Variants in CSMD1 observed in about 807,000 individuals in gnomAD.
The protein encoded by CSMD1 is CUB and sushi domain-containing protein 1.
Under a neutral mutation model 417.5 loss-of-function variants are expected in CSMD1, and 213 were observed. The ratio of observed to expected loss-of-function variants is 0.51; its 90% CI spans 0.46 to 0.57. The LOEUF is 0.57. Among genes scored for constraint, CSMD1 ranks in the 20% least tolerant of loss-of-function variants. The pLI, the probability that CSMD1 is intolerant of heterozygous loss-of-function variation, is 0.00. For missense variants in CSMD1, 6,923 were observed against 4,529.7 expected, an observed-to-expected ratio of 1.53 and a Z score of -15.17; for synonymous variants, 2,862 against 1,736.8, an observed-to-expected ratio of 1.65 and a Z score of -16.11.
intron 12 of CSMD1, among the ~76,000 whole-genome samples, chr8:3,430,158 C>T (rs527869714): frequency 6.6e-6 from 1 of 152,008 alleles, no homozygotes; most frequent in Non-Finnish European, 1.5e-5. Flanking sequence ...AATATACACA[C>T]AACTATACTG....
intron 3 of CSMD1, among the ~76,000 whole-genome samples, chr8:4,195,520 C>A (rs959548107): frequency 2.0e-5 from 3 of 152,164 alleles, no homozygotes; most frequent in Non-Finnish European, 4.4e-5. Context: ...TGATCCCCTG[C>A]TCTTGACTGT....
rs192094211 is a variant in CSMD1 at position 4,080,533 on chromosome 8, T to C, written c.416-48434A>G. On this transcript the variant is annotated intron_variant, in intron 3 of 69. Transcript: ENST00000635120. ...GAAGATACTGATCAAGACTGTCTTG[T>C]CCAACACATAGGTTTCTCCAGAAGA... 8.6e-4 allele frequency among the ~76,000 whole-genome samples: 131 copies of C among 152,314 alleles called. 1 individual carries two copies. The highest frequency in any genetic ancestry group is 3.4e-3 in the Middle Eastern group (1 of 294).
chr8:3,010,270 G>A (rs984523978), intron 52 of CSMD1, among the ~76,000 whole-genome samples: 2 of 152,166 alleles, frequency 1.3e-5, no homozygotes, highest in East Asian at 3.9e-4. Context: ...CTTCTACTGT[G>A]TTTTGTTTTA....
chr8:4,905,388 T>C (rs1359574133), intron 1 of CSMD1, among the ~76,000 whole-genome samples: 1 of 152,080 alleles, frequency 6.6e-6, no homozygotes, highest in Non-Finnish European at 1.5e-5. Context: ...TATATATATT[T>C]ACACAGTGTA....
chr8:4,373,175 C>T (rs369338969), intron 3 of CSMD1, among the ~76,000 whole-genome samples: 1 of 152,166 alleles, frequency 6.6e-6, no homozygotes, highest in African/African-American at 2.4e-5. Flanking sequence ...ACCCCTTGAC[C>T]GGTGCTGCTC....
At chr8:3,189,044 G>T in intron 34 of CSMD1, 33 bp from the exon 35 acceptor site, 2 of 1,597,536 alleles carry the variant, frequency 1.3e-6, no homozygotes, top group Non-Finnish European at 1.7e-6. Context: ...ATGAAATAAA[G>T]TGCTGTGGGA....
intron 14 of CSMD1, among the ~76,000 whole-genome samples, chr8:3,407,262 T>C (rs533408314): frequency 2.0e-5 from 3 of 150,800 alleles, no homozygotes; most frequent in African/African-American, 7.3e-5. Flanking sequence ...AATGGAAGGA[T>C]ATGGATTGAT....
intron 18 of CSMD1, among the ~76,000 whole-genome samples, chr8:3,385,117 T>C (rs979046378): frequency 2.2e-5 from 2 of 89,470 alleles, no homozygotes; most frequent in African/African-American, 8.6e-5. Flanking sequence ...TAAAAATATA[T>C]ATAATATATA....
At chr8:4,764,619 G>T (rs903653172) in intron 1 of CSMD1, among the ~76,000 whole-genome samples, 6 of 151,262 alleles carry the variant, frequency 4.0e-5, no homozygotes, top group Non-Finnish European at 8.8e-5. Flanking sequence ...AAAGATTTTT[G>T]TCTACTGGAT....
rs12680300 is a variant in CSMD1, at chr8:4,684,299, C to G, written c.86-46741G>C. ...ATCGTGCAAAAAATAGGAGCGCAGA[C>G]TTGGTAAAAATCGGTTTTCTGTTTG... On this transcript the variant is annotated intron_variant, in intron 1 of 69. Coordinates refer to ENST00000635120, the MANE Select transcript of CSMD1 (RefSeq NM_033225.6). Among the ~76,000 whole-genome samples, 3 of 152,284 alleles carry G rather than the reference C, an allele frequency of 2.0e-5. No homozygotes were observed. In the East Asian group the frequency reaches 5.8e-4, roughly 29 times the overall value.
chr8:4,488,367 G>C (rs900464993), intron 2 of CSMD1, among the ~76,000 whole-genome samples: 2 of 152,064 alleles, frequency 1.3e-5, no homozygotes, highest in African/African-American at 4.8e-5. Context: ...TTGACATATA[G>C]AAACTTGTTT....
intron 5 of CSMD1, among the ~76,000 whole-genome samples, chr8:3,914,802 T>C (rs776029634): frequency 2.6e-5 from 4 of 152,166 alleles, no homozygotes; most frequent in Admixed American, 6.5e-5. Context: ...CAAAGATTTA[T>C]TGACATCTAC....
chr8:4,109,390 C>G (rs542186580), intron 3 of CSMD1, among the ~76,000 whole-genome samples: 9 of 152,102 alleles, frequency 5.9e-5, no homozygotes, highest in African/African-American at 2.2e-4. Flanking sequence ...AATATAGTGA[C>G]CTAGCAAAAA....
At position 3,308,374 on chromosome 8, in the gene CSMD1, T is replaced by C; in HGVS notation, c.3761A>G (p.Asn1254Ser). Reference sequence around the variant, plus strand: ...GTCTCCACTCAAACAGGTCAGGGTGTTGCTGCCATGCATGGCGTACCCCGG... The same window carrying C: ...GTCTCCACTCAAACAGGTCAGGGTGCTGCTGCCATGCATGGCGTACCCCGG... ...CNPGYAMHGS[N>S]TLTCLSGDRR... The change falls in exon 24 of 70, where the codon AAC (asparagine) becomes AGC (serine). Residue 1254 changes from asparagine (N) to serine (S), a missense_variant. Asn to Ser is a conservative substitution (Grantham distance 46). Transcript: ENST00000635120. 3 of 1,613,820 alleles carry C rather than the reference T, an allele frequency of 1.9e-6. No individual in the cohort carries two copies. Among genetic ancestry groups the C allele is most frequent in the South Asian group, 2.2e-5 (2 of 91,070 alleles).
At chr8:4,801,344 G>A (rs1306719522) in intron 1 of CSMD1, among the ~76,000 whole-genome samples, 2 of 152,100 alleles carry the variant, frequency 1.3e-5, no homozygotes, top group East Asian at 3.9e-4. Context: ...GCTATAAATT[G>A]CTGCTGCTGC....
intron 3 of CSMD1, among the ~76,000 whole-genome samples, chr8:4,312,506 T>G (rs1798686408): frequency 6.7e-6 from 1 of 148,590 alleles, no homozygotes; most frequent in Non-Finnish European, 1.5e-5. Context: ...TGTTTCCAGT[T>G]TTATTATCAA....
Position 4,306,551 on chromosome 8 carries a change from A to T in CSMD1, c.415+113402T>A, listed in dbSNP as rs188303723. ...TCTTGAAGACAAAATTTTCTTCCTT[A>T]TGCAAAAAAACAGCTCCCTGCCCAT... On this transcript the variant is annotated intron_variant, in intron 3 of 69. Transcript: ENST00000635120. Among the ~76,000 whole-genome samples the T allele has an allele frequency of 7.9e-5, 12 of 152,248 alleles. No individual in the cohort carries two copies. The East Asian group carries it at 2.1e-3, about 27-fold the overall frequency.
At position 3,931,591 on chromosome 8, in the gene CSMD1, G is replaced by A. The variant is rs999091180; in HGVS notation, c.818+66312C>T. Reference sequence around the variant, plus strand: ...CAGGCAGCAGTCAGTGCCATGAATTGCCTCAAATCATTGCGCCAAGAGTTA... The same window carrying A: ...CAGGCAGCAGTCAGTGCCATGAATTACCTCAAATCATTGCGCCAAGAGTTA... On this transcript the variant is annotated intron_variant, in intron 5 of 69. Transcript: ENST00000635120. Among the ~76,000 whole-genome samples, 5 of 149,848 alleles carry A rather than the reference G, an allele frequency of 3.3e-5. No homozygotes were observed. The South Asian group carries it at 6.5e-4, about 19-fold the overall frequency.
intron 3 of CSMD1, among the ~76,000 whole-genome samples, chr8:4,408,899 A>G (rs1796491998): frequency 6.6e-6 from 1 of 152,216 alleles, no homozygotes; most frequent in Non-Finnish European, 1.5e-5. Flanking sequence ...ATAGTAAACC[A>G]TCAACTTTAG....
Sources: allele counts gnomAD v4.1 joint callset (sites outside exome capture counted in the v4.1 genomes callset), GRCh38; gene constraint gnomAD v4.1.1; transcripts MANE v1.5; gene names NCBI Gene and HGNC (gene_info 2026-07-23, HGNC 2026-07-21).